The following DDAH1 variants were observed in gnomAD, a reference collection of about 807,000 sequenced individuals.
DDAH1 encodes N(G),N(G)-dimethylarginine dimethylaminohydrolase 1.
DDAH1 carries 19 observed loss-of-function variants against 28.8 expected under a neutral mutation model. The observed-to-expected ratio is 0.66, with a 90% CI of 0.46 to 0.97. The LOEUF (loss-of-function observed/expected upper bound fraction) is 0.97, where lower values mean the gene tolerates loss of function less well. DDAH1 is among the 50% of genes least tolerant of loss of function. The probability of loss-of-function intolerance (pLI) is 0.00; values close to 1 mark genes in which losing one functional copy is unlikely to be tolerated. For missense variants in DDAH1, 326 were observed against 375.9 expected (o/e 0.87, Z 1.10); for synonymous variants, 153 against 154.4 (o/e 0.99, Z 0.07).
At chr1:85,321,816 C>T (rs1661357958) in intron 5 of DDAH1, among the ~76,000 whole-genome samples, 3 of 152,176 alleles carry the variant, frequency 2.0e-5, no homozygotes, top group Non-Finnish European at 4.4e-5. Context: ...CTAGAGATGC[C>T]TTTACTCTGC....
chr1:85,495,059 G>A (rs1400642880), intron 2 of DDAH1: 2 of 152,180 alleles, frequency 1.3e-5, no homozygotes, highest in Admixed American at 6.6e-5. Context: ...AGGGCAGGCG[G>A]GGGAAAGGAG....
chr1:85,327,787 A>G (rs1385345081), intron 4 of DDAH1, among the ~76,000 whole-genome samples: 1 of 152,232 alleles, frequency 6.6e-6, no homozygotes, highest in African/African-American at 2.4e-5. Context: ...AAAAAACCCC[A>G]AAACAGATAA....
In DDAH1 at chr1:85,358,663, A is replaced by T. The variant is rs538161572; in HGVS notation, c.403+85T>A. 2.1e-5 allele frequency: 24 copies of T among 1,119,020 alleles called. No homozygotes were observed. The South Asian group carries it at 3.6e-4, about 17-fold the overall frequency. The allele number at this position is 1,119,020 out of a possible 1,614,324, so 69.3% of individuals were successfully genotyped here. On this transcript the variant is annotated intron_variant, in intron 2 of 5. Transcript: ENST00000284031. ...CTCTGTCTCAAAAACAAAAACAAAA[A>T]AACACAAAAAACTATAATAAAACAA...
intron 4 of DDAH1, among the ~76,000 whole-genome samples, chr1:85,325,367 G>GCGCGCGCACA (rs1553121790): frequency 2.8e-5 from 4 of 143,808 alleles, no homozygotes; most frequent in African/African-American, 1.0e-4. Flanking sequence ...GCGCGCGCGC[G>GCGCGCGCACA]CACACACACA....
At chr1:85,529,850 A>C (rs1213846420) in intron 1 of DDAH1, among the ~76,000 whole-genome samples, 5 of 148,158 alleles carry the variant, frequency 3.4e-5, no homozygotes, top group Non-Finnish European at 7.4e-5. Context: ...TCACCACTTT[A>C]ACTAGTAGAC....
intron 1 of DDAH1, among the ~76,000 whole-genome samples, chr1:85,419,122 GA>G (rs374289989): frequency 5.9e-5 from 9 of 152,174 alleles, no homozygotes; most frequent in African/African-American, 2.2e-4. Context: ...CTTTTCCTAG[GA>G]AAAAGCCATT....
chr1:85,361,290 G>C (rs1649784036), intron 1 of DDAH1, among the ~76,000 whole-genome samples: 1 of 152,176 alleles, frequency 6.6e-6, no homozygotes, highest in Non-Finnish European at 1.5e-5. Flanking sequence ...GGGAGTTTTT[G>C]CAGGAAAAGA....
intron 1 of DDAH1, among the ~76,000 whole-genome samples, chr1:85,497,062 T>C (rs1414454449): frequency 6.6e-6 from 1 of 152,240 alleles, no homozygotes; most frequent in Non-Finnish European, 1.5e-5. Context: ...AGAAATGTTT[T>C]GGATACCACC....
rs71727580 is a variant in DDAH1 at position 85,415,005 on chromosome 1, C to CTTT, written c.303+49735_303+49737dup. ...CGAAAATCAAATATTTCAAGTGTTG[C>CTTT]TTTTTTTTTTTTTTTTTTTTTTTTT... On this transcript the variant is annotated intron_variant, in intron 1 of 5. Coordinates refer to ENST00000284031, the MANE Select transcript of DDAH1 (RefSeq NM_012137.4). Among the ~76,000 whole-genome samples the CTTT allele has an allele frequency of 1.3e-3, 74 of 57,610 alleles. 10 individuals are homozygous for CTTT. Among genetic ancestry groups the CTTT allele is most frequent in the Non-Finnish European group, 1.6e-3 (50 of 31,050 alleles). 37.8% of individuals were successfully genotyped at this position (57,610 alleles called of 152,430 possible).
At chr1:85,400,272 A>G (rs1652027547) in intron 1 of DDAH1, among the ~76,000 whole-genome samples, 1 of 136,576 alleles carries the variant, frequency 7.3e-6, no homozygotes. Context: ...ACTCACTGCA[A>G]CCTCCACCTC....
intron 1 of DDAH1, among the ~76,000 whole-genome samples, chr1:85,576,241 G>T (rs1299274463): frequency 6.6e-6 from 1 of 152,166 alleles, no homozygotes; most frequent in Non-Finnish European, 1.5e-5. Context: ...ATTTATTAGA[G>T]GGGATGACAT....
At chr1:85,505,898 T>C (rs1387890366) in intron 1 of DDAH1, among the ~76,000 whole-genome samples, 1 of 152,246 alleles carries the variant, frequency 6.6e-6, no homozygotes, top group Non-Finnish European at 1.5e-5. Flanking sequence ...CTGGATGCCA[T>C]AGAAGCCATG....
intron 1 of DDAH1, among the ~76,000 whole-genome samples, chr1:85,359,638 C>T (rs1200918719): frequency 6.6e-6 from 1 of 152,192 alleles, no homozygotes; most frequent in African/African-American, 2.4e-5. Context: ...TCAAAACATC[C>T]TTTGCTTCTC....
At chr1:85,391,980 T>C (rs1047957698) in intron 1 of DDAH1, among the ~76,000 whole-genome samples, 2 of 152,184 alleles carry the variant, frequency 1.3e-5, no homozygotes, top group Non-Finnish European at 2.9e-5. Flanking sequence ...GATTTCTACT[T>C]TATCTATTTA....
chr1:85,379,395 C>A (rs529070131), intron 1 of DDAH1, among the ~76,000 whole-genome samples: 5 of 152,266 alleles, frequency 3.3e-5, no homozygotes, highest in Admixed American at 2.6e-4. Flanking sequence ...AATATTTAAG[C>A]TTCATAACAA....
intron 1 of DDAH1, among the ~76,000 whole-genome samples, chr1:85,440,557 A>G (rs1654143952): frequency 6.6e-6 from 1 of 152,244 alleles, no homozygotes; most frequent in Non-Finnish European, 1.5e-5. Context: ...ACTACTCTCA[A>G]TAATTCCAGT....
At chr1:85,348,700 GC>G (rs1023969479) in intron 4 of DDAH1, among the ~76,000 whole-genome samples, 3 of 152,078 alleles carry the variant, frequency 2.0e-5, no homozygotes, top group Non-Finnish European at 4.4e-5. Context: ...CTCAGGGAAC[GC>G]CCCCTTTTCC....
intron 1 of DDAH1, among the ~76,000 whole-genome samples, chr1:85,576,084 A>T (rs570434270): frequency 0.01 from 1,267 of 126,162 alleles, 18 homozygotes; most frequent in African/African-American, 0.034. Flanking sequence ...ATAAAATTTA[A>T]AAAAAAAGAA....
chr1:85,469,574 T>C (rs1206145791), upstream of DDAH1, among the ~76,000 whole-genome samples: 1 of 152,210 alleles, frequency 6.6e-6, no homozygotes, highest in Non-Finnish European at 1.5e-5. Flanking sequence ...TGAGAGGTTT[T>C]GAACAGAAGG....
Sources: allele counts gnomAD v4.1 joint callset (sites outside exome capture counted in the v4.1 genomes callset), GRCh38; gene constraint gnomAD v4.1.1; transcripts MANE v1.5; gene names NCBI Gene and HGNC (gene_info 2026-07-23, HGNC 2026-07-21).